GALNT9: variants seen among roughly 807,000 people sequenced by gnomAD.
GALNT9 encodes the protein GalNAc transferase 9.
In GALNT9, 47 loss-of-function variants were observed where a neutral mutation model predicts 63.1. That is an observed-to-expected ratio of 0.75 (90% CI 0.59 to 0.95). The LOEUF (loss-of-function observed/expected upper bound fraction) is 0.95. Ranked by LOEUF, GALNT9 falls within the 40% of genes least tolerant of loss-of-function variation. GALNT9 has a pLI of 0.00. For synonymous variants in GALNT9, 396 were observed against 365.7 expected (o/e 1.08, Z -0.94); for missense variants, 829 against 874.8 (o/e 0.95, Z 0.66).
intron 6 of GALNT9, among the ~76,000 whole-genome samples, chr12:132,224,587 ACAC>A (rs1464994519): frequency 9.0e-5 from 8 of 89,238 alleles, no homozygotes; most frequent in African/African-American, 3.1e-4. Context: ...CACACACACC[ACAC>A]AACCCACACC....
intron 2 of GALNT9, among the ~76,000 whole-genome samples, chr12:132,263,781 C>T (rs782006228): frequency 8.5e-5 from 13 of 152,218 alleles, no homozygotes; most frequent in Non-Finnish European, 1.2e-4. Flanking sequence ...GCCCCACAGG[C>T]ACCGGCTGGG....
At chr12:132,271,341 C>T (rs782084104) in intron 2 of GALNT9, among the ~76,000 whole-genome samples, 4 of 152,076 alleles carry the variant, frequency 2.6e-5, no homozygotes, top group Non-Finnish European at 4.4e-5. Flanking sequence ...GGCTCCCACC[C>T]GTCACTCTGC....
rs1056358045 is a variant in GALNT9, at chr12:132,328,845, A to G, written c.238+121T>C. 131 of 1,221,230 alleles carry G rather than the reference A, an allele frequency of 1.1e-4. No individual in the cohort carries two copies. The African/African-American group carries it at 1.5e-3, about 14-fold the overall frequency. 75.6% of individuals were successfully genotyped at this position (1,221,230 alleles called of 1,614,324 possible). A position where few individuals can be genotyped will look rare whatever the true frequency, so the allele number is the denominator to read the frequency against. On this transcript the variant is annotated intron_variant, in intron 1 of 10. Coordinates refer to ENST00000328957, the MANE Select transcript of GALNT9 (RefSeq NM_001122636.2). ...GGCCCTTCCCTCTCCTCTCTCCTGT[A>G]TATTCCCTCCCACAGGGGCGCAGAG...
chr12:132,197,893 C>T lies in GALNT9; in HGVS notation c.1564G>A (p.Asp522Asn). 1 of 1,611,752 alleles carries T rather than the reference C, an allele frequency of 6.2e-7. No homozygotes were observed. The highest frequency in any genetic ancestry group is 8.5e-7 in the Non-Finnish European group (1 of 1,179,402). The change falls in exon 10 of 11, where the codon GAC becomes AAC. Residue 522 changes from aspartate (D) to asparagine (N), a missense_variant. Asp to Asn is a conservative substitution (Grantham distance 23). Transcript: ENST00000328957. ...GPLGSTAFLP[D>N]SKCLVDDGTG... ...CCGTCATCCACCAGACACTTGGAGT[C>T]AGGCAAGAAGGCTGTGGAGCCCAGA...
intron 6 of GALNT9, among the ~76,000 whole-genome samples, chr12:132,211,885 C>T (rs1345535069): frequency 2.6e-5 from 4 of 152,236 alleles, no homozygotes; most frequent in South Asian, 2.1e-4. Flanking sequence ...CTGCAATCCA[C>T]GCCTGTGGGC....
chr12:132,203,361 A>G, intron 7 of GALNT9, 144 bp downstream of exon 7: 1 of 675,050 alleles, frequency 1.5e-6, no homozygotes, highest in Non-Finnish European at 2.5e-6. Flanking sequence ...TGCACACACA[A>G]CTGCTTGCAC....
rs1881769024 is a variant in GALNT9, at chr12:132,310,355, C to T, written c.238+18611G>A. On this transcript the variant is annotated intron_variant, in intron 1 of 10. Transcript: ENST00000328957. The surrounding 1 kb of genome is among the most constrained non-coding windows in gnomAD (Gnocchi z 4.8). ...GACTGTCAGGGACTCTGAGTTCCCT[C>T]ACCCAGAGGAGCCGGGGCTGAGTGC... Among the ~76,000 whole-genome samples, 1 of 152,222 alleles carries T rather than the reference C, an allele frequency of 6.6e-6. No individual in the cohort carries two copies. The highest frequency in any genetic ancestry group is 1.5e-5 in the Non-Finnish European group (1 of 68,042).
chr12:132,309,510 G>A (rs1593119703), intron 1 of GALNT9, among the ~76,000 whole-genome samples: 1 of 152,200 alleles, frequency 6.6e-6, no homozygotes, highest in Non-Finnish European at 1.5e-5. Context: ...TCCTGGACTC[G>A]GGGCAGCGGG....
chr12:132,240,705 A>T, intron 6 of GALNT9: 1 of 455,814 alleles, frequency 2.2e-6, no homozygotes, highest in Non-Finnish European at 4.4e-6. Flanking sequence ...AATTTACCTT[A>T]TCTTGCTGGA....
intron 1 of GALNT9, among the ~76,000 whole-genome samples, chr12:132,314,857 G>A (rs772957697): frequency 1.3e-5 from 2 of 152,246 alleles, no homozygotes; most frequent in East Asian, 1.9e-4. Context: ...ACTAGCTTCC[G>A]TGCAGTGGAG....
intron 5 of GALNT9, among the ~76,000 whole-genome samples, chr12:132,248,478 T>G (rs1440073073): frequency 6.6e-6 from 1 of 152,042 alleles, no homozygotes; most frequent in Non-Finnish European, 1.5e-5. Flanking sequence ...GTCTCCCCTC[T>G]CCCCTGAAAA....
chr12:132,200,302 G>C (rs1313331852), intron 8 of GALNT9: 1 of 152,318 alleles, frequency 6.6e-6, no homozygotes, highest in Non-Finnish European at 1.5e-5. Flanking sequence ...AGACTGGGGA[G>C]AGGGCAGAAG....
At chr12:132,217,391 ACTAT>A (rs1304245902) in intron 6 of GALNT9, among the ~76,000 whole-genome samples, 1 of 147,474 alleles carries the variant, frequency 6.8e-6, no homozygotes, top group Non-Finnish European at 1.5e-5. Flanking sequence ...CCACCTAGCC[ACTAT>A]CTATCCATTC....
At chr12:132,278,257 G>C (rs1380989670) in intron 2 of GALNT9, 1 of 152,082 alleles carries the variant, frequency 6.6e-6, no homozygotes, top group Non-Finnish European at 1.5e-5. Context: ...GCACTCTCTG[G>C]GTATGTCTCA....
At chr12:132,272,514 G>T (rs575225395) in intron 2 of GALNT9, among the ~76,000 whole-genome samples, 3 of 152,188 alleles carry the variant, frequency 2.0e-5, no homozygotes, top group African/African-American at 4.8e-5. Flanking sequence ...TGTGTTTTCC[G>T]CAGGAGAATG....
chr12:132,297,977 C>T (rs1480622479), intron 1 of GALNT9, among the ~76,000 whole-genome samples: 1 of 151,918 alleles, frequency 6.6e-6, no homozygotes, highest in African/African-American at 2.4e-5. Flanking sequence ...CAACTCACAT[C>T]CAAGAAAACT....
intron 5 of GALNT9, among the ~76,000 whole-genome samples, chr12:132,250,767 G>A (rs1287495967): frequency 6.6e-6 from 1 of 151,672 alleles, no homozygotes; most frequent in African/African-American, 2.4e-5. Flanking sequence ...CTCCAGCCCG[G>A]GTGACAGAGG....
At chr12:132,241,060 C>A (rs1591588597) in intron 6 of GALNT9, among the ~76,000 whole-genome samples, 2 of 136,498 alleles carry the variant, frequency 1.5e-5, no homozygotes, top group African/African-American at 2.9e-5. Flanking sequence ...TCCCTATACC[C>A]ATTACACACA....
intron 4 of GALNT9, among the ~76,000 whole-genome samples, chr12:132,258,493 G>A (rs541375550): frequency 6.6e-6 from 1 of 152,344 alleles, no homozygotes; most frequent in South Asian, 2.1e-4. Context: ...ACGGGACGGA[G>A]GATGAGGTAT....
Sources: gnomAD v4.1 joint callset for allele counts (sites outside exome capture counted in the v4.1 genomes callset) on GRCh38, gnomAD v4.1.1 for gene constraint, Gnocchi (gnomAD v3.1) non-coding constraint, MANE v1.5 for transcripts, NCBI Gene and HGNC (gene_info 2026-07-23, HGNC 2026-07-21) for gene names.